FBLN2: variants seen among roughly 807,000 people sequenced by gnomAD.
FBLN2 encodes the protein fibulin-2.
A neutral mutation model predicts 123.7 loss-of-function variants in FBLN2; 81 were observed. The observed-to-expected ratio is 0.65, with a 90% CI of 0.55 to 0.79. FBLN2 has a LOEUF of 0.79. Among genes scored for constraint, FBLN2 ranks in the 30% least tolerant of loss-of-function variants. FBLN2 has a pLI of 0.00. For synonymous variants in FBLN2, 699 were observed against 701.4 expected, an observed-to-expected ratio of 1.00 and a Z score of 0.05; for missense variants, 1,603 against 1,681.3, an observed-to-expected ratio of 0.95 and a Z score of 0.81.
Position 13,614,126 on chromosome 3 carries a change from T to A in FBLN2, c.1691T>A (p.Val564Asp). 6.2e-7 allele frequency: 1 copy of A among 1,613,172 alleles called. No individual in the cohort carries two copies. Among genetic ancestry groups the A allele is most frequent in the Non-Finnish European group, 8.5e-7 (1 of 1,179,850 alleles). ...EGEEPLIVPEVRRPPEPAAAP... is the reference protein window; with the variant it reads ...EGEEPLIVPEDRRPPEPAAAP... ...GAAGAGCCTCTCATAGTACCTGAGG[T>A]TCGCCGACCTCCAGAGCCCGCAGCT... is the stretch of plus-strand genomic sequence containing the variant. Residue 564 changes from valine (V) to aspartate (D), a missense_variant, in exon 5 of 18, where the codon GTT becomes GAT. Physicochemically the swap from Val to Asp is radical, Grantham distance 152. Coordinates refer to ENST00000404922, the MANE Select transcript of FBLN2 (RefSeq NM_001004019.2).
rs1223310057 is a variant in FBLN2, at chr3:13,628,936, A to T, written c.2601A>T (p.Pro867=). The T allele has an allele frequency of 6.2e-7, 1 of 1,613,462 alleles. No homozygotes were observed. The highest frequency in any genetic ancestry group is 2.2e-5 in the East Asian group (1 of 44,888). ...ACGAGTGCACGTCACTGTCCGAGCC[A>T]TGTCGGCCAGGCTTCAGCTGCATCA... ...DINECTSLSE[P]CRPGFSCINT... The change falls in exon 12 of 18, where the codon CCA becomes CCT. Residue 867 remains proline (P), a synonymous_variant. Coordinates refer to ENST00000404922, the MANE Select transcript of FBLN2 (RefSeq NM_001004019.2).
At position 13,636,394 on chromosome 3, in the gene FBLN2, G is replaced by C. The variant is rs555308167; in HGVS notation, c.3215-51G>C. 1.3e-5 allele frequency: 21 copies of C among 1,601,500 alleles called. 1 individual carries two copies. The Admixed American group carries it at 2.6e-4, about 20-fold the overall frequency. On this transcript the variant is annotated intron_variant, in intron 16 of 17. Transcript: ENST00000404922. ...TTTCATGCAGGCTGGGGAGTTTCAG[G>C]CTGGGTCCCCCAGCTGTGGGGACCC...
chr3:13,561,608 A>G (rs1426524683), intron 1 of FBLN2, among the ~76,000 whole-genome samples: 1 of 152,142 alleles, frequency 6.6e-6, no homozygotes, highest in Non-Finnish European at 1.5e-5. Flanking sequence ...ACATTTTTGC[A>G]TGATATCAGC....
chr3:13,563,274 GTC>G (rs1219571226), intron 1 of FBLN2, among the ~76,000 whole-genome samples: 1 of 152,202 alleles, frequency 6.6e-6, no homozygotes, highest in Non-Finnish European at 1.5e-5. Context: ...GCCCACCCAG[GTC>G]TCTCACCTGG....
intron 16 of FBLN2, among the ~76,000 whole-genome samples, chr3:13,633,240 C>T (rs1559429292): frequency 6.6e-6 from 1 of 152,274 alleles, no homozygotes; most frequent in African/African-American, 2.4e-5. Flanking sequence ...CGCTTCTCTC[C>T]TGCCCGGGCT....
intron 16 of FBLN2, among the ~76,000 whole-genome samples, chr3:13,632,759 A>G (rs1420456506): frequency 6.6e-6 from 1 of 152,086 alleles, no homozygotes; most frequent in African/African-American, 2.4e-5. Context: ...AAGACCCTAT[A>G]AATCACTGAC....
At chr3:13,577,408 G>A (rs946834968) in intron 2 of FBLN2, among the ~76,000 whole-genome samples, 2 of 152,104 alleles carry the variant, frequency 1.3e-5, no homozygotes, top group Non-Finnish European at 2.9e-5. Context: ...CAGTGGAGCC[G>A]AGATAAGTGG....
intron 2 of FBLN2, among the ~76,000 whole-genome samples, chr3:13,592,803 T>C (rs2124858227): frequency 6.6e-6 from 1 of 152,342 alleles, no homozygotes; most frequent in South Asian, 2.1e-4. Context: ...TATATTAGTT[T>C]GCTTTGGCAA....
intron 2 of FBLN2, among the ~76,000 whole-genome samples, chr3:13,598,933 G>A (rs1206430696): frequency 1.3e-5 from 2 of 152,218 alleles, no homozygotes; most frequent in African/African-American, 4.8e-5. Context: ...TGAGGGATGG[G>A]TAGTTGGATA....
At chr3:13,615,189 G>A (rs1056729423) in intron 5 of FBLN2, among the ~76,000 whole-genome samples, 1 of 152,250 alleles carries the variant, frequency 6.6e-6, no homozygotes, top group African/African-American at 2.4e-5. Flanking sequence ...GGAGCCTGAT[G>A]AGGGTGCCCC....
intron 1 of FBLN2, among the ~76,000 whole-genome samples, chr3:13,558,185 C>T (rs745594394): frequency 2.0e-5 from 3 of 152,192 alleles, no homozygotes; most frequent in Non-Finnish European, 4.4e-5. Flanking sequence ...CCAAGGGAGC[C>T]TGGTTCTGCC....
chr3:13,556,182 C>T lies in FBLN2; in HGVS notation c.-42+6974C>T, dbSNP rs147744809. ...GCTATAACAAATGTCACAGATGAGTCGGGGAGGAGATTGAAGATGGACATT... is the reference window on the plus strand; with the variant it reads ...GCTATAACAAATGTCACAGATGAGTTGGGGAGGAGATTGAAGATGGACATT... On this transcript the variant is annotated intron_variant, in intron 1 of 17. Coordinates refer to ENST00000404922, the MANE Select transcript of FBLN2 (RefSeq NM_001004019.2). Among the ~76,000 whole-genome samples, 26 of 152,244 alleles carry T rather than the reference C, an allele frequency of 1.7e-4. No individual in the cohort carries two copies. In the East Asian group the frequency reaches 4.1e-3, roughly 24 times the overall value.
chr3:13,606,460 C>T (rs921467033), intron 2 of FBLN2, among the ~76,000 whole-genome samples: 8 of 152,180 alleles, frequency 5.3e-5, no homozygotes, highest in African/African-American at 1.4e-4. Flanking sequence ...TCCTTCCAGC[C>T]TCCCCAGTCA....
intron 2 of FBLN2, among the ~76,000 whole-genome samples, chr3:13,577,381 G>A (rs992299285): frequency 1.3e-5 from 2 of 152,150 alleles, no homozygotes; most frequent in African/African-American, 4.8e-5. Context: ...GGGCAGGAAG[G>A]TGCCTGGACA....
chr3:13,615,363 C>T (rs960800669), intron 5 of FBLN2, among the ~76,000 whole-genome samples: 31 of 152,336 alleles, frequency 2.0e-4, no homozygotes, highest in African/African-American at 6.7e-4. Context: ...CCAGTTTTTT[C>T]GCTGTTCCTA....
At chr3:13,607,029 C>T (rs1214249998) in intron 2 of FBLN2, among the ~76,000 whole-genome samples, 1 of 151,420 alleles carries the variant, frequency 6.6e-6, no homozygotes, top group Non-Finnish European at 1.5e-5. Context: ...GCTCTGTCAC[C>T]CAGGCTGGAG....
At position 13,562,391 on chromosome 3, in the gene FBLN2, G is replaced by C. The variant is rs557297608; in HGVS notation, c.-41-7924G>C. 8.1e-4 allele frequency among the ~76,000 whole-genome samples: 117 copies of C among 144,340 alleles called. 1 individual carries two copies. In the East Asian group the frequency reaches 0.021, roughly 26 times the overall value. The allele number at this position is 144,340 out of a possible 152,430, so 94.7% of individuals were successfully genotyped here. A position where few individuals can be genotyped will look rare whatever the true frequency, so the allele number is the denominator to read the frequency against. On this transcript the variant is annotated intron_variant, in intron 1 of 17. Coordinates refer to ENST00000404922, the MANE Select transcript of FBLN2 (RefSeq NM_001004019.2). ...TTTTTTTTTGTGACGGAGTCTTGCC[G>C]TGTCGCCCAGGCTGGAGTGCAGTGG...
chr3:13,614,259 C>A, intron 5 of FBLN2, 95 bp downstream of exon 5: 1 of 1,239,944 alleles, frequency 8.1e-7, no homozygotes, highest in Non-Finnish European at 1.1e-6. Context: ...TCACCTGTGG[C>A]TTGAGACACA....
intron 2 of FBLN2, among the ~76,000 whole-genome samples, chr3:13,581,362 G>T (rs964869557): frequency 6.6e-6 from 1 of 152,150 alleles, no homozygotes; most frequent in African/African-American, 2.4e-5. Context: ...TTTCCTGGAC[G>T]GAGGTGTTAT....
Sources: allele counts gnomAD v4.1 joint callset (sites outside exome capture counted in the v4.1 genomes callset), GRCh38; gene constraint gnomAD v4.1.1; transcripts MANE v1.5; gene names NCBI Gene and HGNC (gene_info 2026-07-23, HGNC 2026-07-21).